GATAD2A: variants seen among roughly 807,000 people sequenced by gnomAD.
GATAD2A encodes GATA zinc finger domain containing 2A.
A neutral mutation model predicts 68.5 loss-of-function variants in GATAD2A; 12 were observed. The observed-to-expected ratio is 0.18, with a 90% CI of 0.11 to 0.28. The LOEUF (loss-of-function observed/expected upper bound fraction) is 0.28, where lower values mean the gene tolerates loss of function less well. Among genes scored for constraint, GATAD2A ranks in the 10% least tolerant of loss-of-function variants. The probability of loss-of-function intolerance (pLI) is 1.00; values close to 1 mark genes in which losing one functional copy is unlikely to be tolerated. For synonymous variants in GATAD2A, 410 were observed against 375.3 expected (o/e 1.09, Z -1.07); for missense variants, 755 against 868.5 (o/e 0.87, Z 1.64).
At chr19:19,434,976 CTG>C in intron 1 of GATAD2A, 1 of 384,802 alleles carries the variant, frequency 2.6e-6, no homozygotes, top group South Asian at 1.9e-5. Context: ...GGAATGGTGG[CTG>C]GTTTCCCTGG....
At chr19:19,477,110 G>A (rs1382989608) in intron 2 of GATAD2A, among the ~76,000 whole-genome samples, 1 of 152,162 alleles carries the variant, frequency 6.6e-6, no homozygotes, top group Non-Finnish European at 1.5e-5. Flanking sequence ...GGAAGGCAGG[G>A]TAACGCCTGA....
chr19:19,419,717 T>C (rs1367055561), intron 1 of GATAD2A, among the ~76,000 whole-genome samples: 1 of 152,070 alleles, frequency 6.6e-6, no homozygotes, highest in Non-Finnish European at 1.5e-5. Context: ...GGTTTTGCCA[T>C]GTTGGCCAGG....
At chr19:19,494,589 C>T (rs2060020470) in intron 5 of GATAD2A, among the ~76,000 whole-genome samples, 1 of 152,226 alleles carries the variant, frequency 6.6e-6, no homozygotes, top group African/African-American at 2.4e-5. Flanking sequence ...CCAAAGTAGG[C>T]CACTGTTAAT....
intron 1 of GATAD2A, among the ~76,000 whole-genome samples, chr19:19,457,453 T>C (rs955890405): frequency 6.6e-6 from 1 of 152,068 alleles, no homozygotes; most frequent in Non-Finnish European, 1.5e-5. Context: ...TAAACATGAT[T>C]AACAAGGCCA....
At chr19:19,405,624 A>G (rs2916068), upstream of GATAD2A, among the ~76,000 whole-genome samples, 65,782 of 149,700 alleles carry the variant, frequency 0.44, 15,678 homozygotes, top group African/African-American at 0.63. Flanking sequence ...TACGCCTGGA[A>G]CCCCGCCCAC....
intron 1 of GATAD2A, among the ~76,000 whole-genome samples, chr19:19,392,017 A>T (rs2048873648): frequency 6.6e-6 from 1 of 151,152 alleles, no homozygotes; most frequent in South Asian, 2.1e-4. Flanking sequence ...GTTTGACTTC[A>T]TCCTCTCAGA....
rs1264578993 is a variant in GATAD2A at position 19,396,082 on chromosome 19, A to G, written c.-7+9944A>G. 2.6e-5 allele frequency among the ~76,000 whole-genome samples: 4 copies of G among 152,144 alleles called. No individual in the cohort carries two copies. The East Asian group carries it at 5.8e-4, about 22-fold the overall frequency. ...ACACCTGTAAACCCAGCACTTTGGG[A>G]GGCTGAGGCGGGTGGATCGCCTGAG... On this transcript the variant is annotated intron_variant, in intron 1 of 11. Coordinates refer to the GATAD2A transcript ENST00000360315.
intron 1 of GATAD2A, among the ~76,000 whole-genome samples, chr19:19,461,651 T>C (rs909619417): frequency 7.9e-5 from 12 of 152,214 alleles, no homozygotes; most frequent in African/African-American, 1.2e-4. Flanking sequence ...TTTTGGCCCC[T>C]AGTTGAGGAA....
intron 1 of GATAD2A, among the ~76,000 whole-genome samples, chr19:19,386,668 C>G (rs1020260889): frequency 2.0e-5 from 3 of 152,048 alleles, no homozygotes; most frequent in Non-Finnish European, 4.4e-5. Flanking sequence ...CTAGGGAACC[C>G]CCGTCTCTCC....
intron 2 of GATAD2A, among the ~76,000 whole-genome samples, chr19:19,471,699 A>G (rs2058326792): frequency 6.6e-6 from 1 of 152,230 alleles, no homozygotes; most frequent in Admixed American, 6.5e-5. Flanking sequence ...AAAATAAATA[A>G]TTAAATGAAG....
chr19:19,460,682 A>C (rs1309417249), intron 1 of GATAD2A, among the ~76,000 whole-genome samples: 3 of 152,162 alleles, frequency 2.0e-5, no homozygotes, highest in Non-Finnish European at 4.4e-5. Context: ...CCACTGGTCC[A>C]GTTGCTCAGG....
chr19:19,430,996 T>G (rs1479276288), intron 1 of GATAD2A, among the ~76,000 whole-genome samples: 1 of 151,204 alleles, frequency 6.6e-6, no homozygotes, highest in Non-Finnish European at 1.5e-5. Context: ...TGTGTGTGTG[T>G]GTGTGTGTGT....
chr19:19,490,076 T>C (rs1211120870), intron 2 of GATAD2A, among the ~76,000 whole-genome samples: 1 of 152,224 alleles, frequency 6.6e-6, no homozygotes, highest in Non-Finnish European at 1.5e-5. Flanking sequence ...AGAAACAAAC[T>C]ACCCGGTTCT....
chr19:19,388,056 TCC>T (rs755200402), intron 1 of GATAD2A, among the ~76,000 whole-genome samples: 2 of 137,096 alleles, frequency 1.5e-5, no homozygotes, highest in East Asian at 2.3e-4. Flanking sequence ...AAGCTTCTCC[TCC>T]TTTTTTTTTT....
intron 1 of GATAD2A, among the ~76,000 whole-genome samples, chr19:19,413,479 C>T (rs1272370826): frequency 1.3e-5 from 2 of 152,158 alleles, no homozygotes; most frequent in Non-Finnish European, 1.5e-5. Context: ...ATGCCCACCC[C>T]GTTCAGTGGT....
intron 1 of GATAD2A, among the ~76,000 whole-genome samples, chr19:19,447,924 T>C (rs2055921258): frequency 6.6e-6 from 1 of 152,260 alleles, no homozygotes; most frequent in Admixed American, 6.5e-5. Context: ...CCCTGCCGTT[T>C]CCAGTCTCAG....
chr19:19,494,494 C>T (rs945263152), intron 5 of GATAD2A, 111 bp downstream of exon 5: 3 of 656,768 alleles, frequency 4.6e-6, no homozygotes, highest in South Asian at 1.8e-5. Flanking sequence ...AGAGGTTGCG[C>T]TTTCCTTCTG....
intron 1 of GATAD2A, among the ~76,000 whole-genome samples, chr19:19,435,563 C>T (rs902465424): frequency 3.9e-5 from 6 of 152,114 alleles, no homozygotes; most frequent in African/African-American, 1.4e-4. Flanking sequence ...ATAATAAAAA[C>T]CCTGGGCTGG....
At chr19:19,446,306 T>C (rs777815319) in intron 1 of GATAD2A, among the ~76,000 whole-genome samples, 1 of 152,210 alleles carries the variant, frequency 6.6e-6, no homozygotes, top group Non-Finnish European at 1.5e-5. Flanking sequence ...CTTTTTCACA[T>C]GCTCATTGGT....
Sources: gnomAD v4.1 joint callset for allele counts (sites outside exome capture counted in the v4.1 genomes callset) on GRCh38, gnomAD v4.1.1 for gene constraint, MANE v1.5 for transcripts, NCBI Gene and HGNC (gene_info 2026-07-23, HGNC 2026-07-21) for gene names.